FBXO4: variants seen among roughly 807,000 people sequenced by gnomAD.
FBXO4 encodes the protein F-box protein 4.
A neutral mutation model predicts 43.7 loss-of-function variants in FBXO4; 36 were observed. That is an observed-to-expected ratio of 0.82 (90% CI 0.63 to 1.09). The LOEUF is 1.09. Ranked by LOEUF, FBXO4 falls within the 50% of genes least tolerant of loss-of-function variation. FBXO4 has a pLI of 0.00. For synonymous variants in FBXO4, 180 were observed against 165.6 expected (o/e 1.09, Z -0.67); for missense variants, 435 against 474.1 (o/e 0.92, Z 0.77).
chr5:41,951,689 C>G, the FBXO4 span: 1 of 214,140 alleles, frequency 4.7e-6, no homozygotes, highest in Non-Finnish European at 9.3e-6. Flanking sequence ...ATCAGGCCCA[C>G]TGAGTGAGCT....
chr5:42,038,301 G>A, the FBXO4 span, among the ~76,000 whole-genome samples: 2 of 152,040 alleles, frequency 1.3e-5, no homozygotes, highest in African/African-American at 4.8e-5. Flanking sequence ...GGATAGATTT[G>A]CAAGTGCCAA....
At chr5:41,977,676 T>G in the FBXO4 span, among the ~76,000 whole-genome samples, 4 of 152,314 alleles carry the variant, frequency 2.6e-5, no homozygotes, top group South Asian at 8.3e-4. Flanking sequence ...TGACCTCAGG[T>G]GATCTGCCTA....
At chr5:41,949,316 A>C in the FBXO4 span, among the ~76,000 whole-genome samples, 1 of 152,112 alleles carries the variant, frequency 6.6e-6, no homozygotes, top group Admixed American at 6.5e-5. Flanking sequence ...GAGTTAGAAA[A>C]CCTCATCGTC....
chr5:41,941,130 C>T (rs764384251), intron 6 of FBXO4, 62 bp from the exon 7 acceptor site: 35 of 1,290,166 alleles, frequency 2.7e-5, no homozygotes, highest in South Asian at 6.1e-5. Flanking sequence ...AAATGTCCCT[C>T]CTACTCATAA....
rs1257300888 is a variant in FBXO4, at chr5:41,939,486, A to G, written c.944A>G (p.Asp315Gly). The change falls in exon 6 of 7, where the codon GAT becomes GGT. Residue 315 changes from aspartate (D) to glycine (G), a missense_variant. Asp to Gly is a moderately conservative substitution (Grantham distance 94, BLOSUM62 -1). Transcript: ENST00000281623. The part of the protein sequence containing the change: ...DEFSHIMAMT[D>G]PAFGSSGRPL... ...TTTTCTCATATTATGGCAATGACAG[A>G]TCCAGCCTTTGGGTCTTCGGGAAGA... 1 of 1,613,768 alleles carries G rather than the reference A, an allele frequency of 6.2e-7. No homozygotes were observed. Among genetic ancestry groups the G allele is most frequent in the East Asian group, 2.2e-5 (1 of 44,860 alleles).
chr5:41,964,211 G>T, the FBXO4 span, among the ~76,000 whole-genome samples: 2 of 152,102 alleles, frequency 1.3e-5, no homozygotes, highest in African/African-American at 4.8e-5. Flanking sequence ...AAATATTTCA[G>T]ATTTTAGTCT....
At chr5:41,993,659 A>C in the FBXO4 span, among the ~76,000 whole-genome samples, 1 of 149,118 alleles carries the variant, frequency 6.7e-6, no homozygotes, top group South Asian at 2.1e-4. Context: ...GTATGTGTAT[A>C]TGCATATAAA....
chr5:42,026,586 T>A, the FBXO4 span, among the ~76,000 whole-genome samples: 1 of 151,914 alleles, frequency 6.6e-6, no homozygotes, highest in Non-Finnish European at 1.5e-5. Context: ...AGCTAGGACT[T>A]CCTGTACTAT....
At chr5:41,926,311 C>T (rs557063789) in intron 1 of FBXO4, among the ~76,000 whole-genome samples, 7 of 152,298 alleles carry the variant, frequency 4.6e-5, no homozygotes, top group South Asian at 2.1e-4. Flanking sequence ...CGGTGGCTCA[C>T]GCCTGTAATC....
chr5:42,036,420 G>A, the FBXO4 span, among the ~76,000 whole-genome samples: 1 of 152,082 alleles, frequency 6.6e-6, no homozygotes, highest in Non-Finnish European at 1.5e-5. Context: ...TTGGAAAACA[G>A]CACATAGACC....
chr5:42,022,189 C>T, the FBXO4 span, among the ~76,000 whole-genome samples: 1 of 152,062 alleles, frequency 6.6e-6, no homozygotes, highest in East Asian at 1.9e-4. Context: ...CTTCCTTTAC[C>T]TTCTTAAAGT....
chr5:41,945,159 TA>T (rs932332322), downstream of FBXO4, among the ~76,000 whole-genome samples: 1 of 152,174 alleles, frequency 6.6e-6, no homozygotes, highest in Non-Finnish European at 1.5e-5. Flanking sequence ...AACATTTTTT[TA>T]AAAAAAGTGT....
the FBXO4 span, among the ~76,000 whole-genome samples, chr5:42,039,487 A>G: frequency 6.6e-6 from 1 of 151,972 alleles, no homozygotes; most frequent in Admixed American, 6.6e-5. Flanking sequence ...CTGTGGAACT[A>G]TGCACTTCTT....
At chr5:41,958,784 T>A in the FBXO4 span, among the ~76,000 whole-genome samples, 46 of 152,356 alleles carry the variant, frequency 3.0e-4, no homozygotes, top group East Asian at 5.8e-4. Context: ...AGAATTTTTT[T>A]AAATTCGTTT....
chr5:42,000,941 T>G, the FBXO4 span, among the ~76,000 whole-genome samples: 2 of 152,336 alleles, frequency 1.3e-5, no homozygotes, highest in South Asian at 4.1e-4. Context: ...TTATGTCTGA[T>G]TTTATGCCAT....
chr5:41,984,563 CT>C, the FBXO4 span, among the ~76,000 whole-genome samples: 1 of 152,156 alleles, frequency 6.6e-6, no homozygotes, highest in African/African-American at 2.4e-5. Context: ...GGAAATTTTC[CT>C]TTATGTCAGA....
chr5:41,982,654 T>C, the FBXO4 span, among the ~76,000 whole-genome samples: 2 of 152,182 alleles, frequency 1.3e-5, no homozygotes, highest in African/African-American at 4.8e-5. Flanking sequence ...AATAGTCTAA[T>C]TTGCCTACTA....
At chr5:41,935,016 G>T (rs1231297739) in intron 5 of FBXO4, 2 of 984,936 alleles carry the variant, frequency 2.0e-6, no homozygotes, top group Non-Finnish European at 2.4e-6. Context: ...GATCTGTTAG[G>T]CATGAAAGCA....
At chr5:41,971,302 T>C in the FBXO4 span, among the ~76,000 whole-genome samples, 10 of 151,738 alleles carry the variant, frequency 6.6e-5, no homozygotes, top group Non-Finnish European at 1.0e-4. Context: ...TGGACACTGA[T>C]GGTAATTAAA....
Sources: allele counts gnomAD v4.1 joint callset (sites outside exome capture counted in the v4.1 genomes callset), GRCh38; gene constraint gnomAD v4.1.1; transcripts MANE v1.5; gene names NCBI Gene and HGNC (gene_info 2026-07-23, HGNC 2026-07-21).